Variants in PLA2R1 observed in about 807,000 individuals in gnomAD.
The protein encoded by PLA2R1 is secretory phospholipase A2 receptor.
Under a neutral mutation model 195.9 loss-of-function variants are expected in PLA2R1, and 158 were observed. The observed-to-expected ratio is 0.81, with a 90% CI of 0.71 to 0.92. The LOEUF is 0.92. Ranked by LOEUF, PLA2R1 falls within the 40% of genes least tolerant of loss-of-function variation. The pLI is 0.00. For synonymous variants in PLA2R1, 586 were observed against 598.2 expected (o/e 0.98, Z 0.30); for missense variants, 1,626 against 1,764.6 (o/e 0.92, Z 1.41).
Position 159,949,649 on chromosome 2 carries a change from C to T in PLA2R1, c.3668G>A (p.Cys1223Tyr), listed in dbSNP as rs1469409961. The part of the protein sequence containing the change: ...DSNGRWHSTA[C>Y]ESFLQGAICH... Reference sequence around the variant, plus strand: ...AATGGCACCTTGCAGAAATGACTCGCAGGCTGTGCTATGCCAGCGTCCGTT... The same window carrying T: ...AATGGCACCTTGCAGAAATGACTCGTAGGCTGTGCTATGCCAGCGTCCGTT... The change falls in exon 25 of 30, where the codon TGC (cysteine) becomes TAC (tyrosine). Residue 1223 changes from cysteine (C) to tyrosine (Y), a missense_variant. Physicochemically the swap from Cys to Tyr is radical, Grantham distance 194. Transcript: ENST00000283243. 6.2e-7 allele frequency: 1 copy of T among 1,614,094 alleles called. No individual in the cohort carries two copies. The highest frequency in any genetic ancestry group is 1.7e-5 in the Admixed American group (1 of 60,006).
intron 11 of PLA2R1, among the ~76,000 whole-genome samples, chr2:159,990,243 C>T (rs959558167): frequency 7.9e-5 from 12 of 152,102 alleles, no homozygotes; most frequent in Admixed American, 7.2e-4. Context: ...AACTCACTTC[C>T]CACTGGAGAA....
chr2:159,984,901 C>T (rs1030405047), intron 12 of PLA2R1, among the ~76,000 whole-genome samples: 3 of 152,162 alleles, frequency 2.0e-5, no homozygotes, highest in Non-Finnish European at 4.4e-5. Context: ...TTGCTGAGAC[C>T]AGAATGAATA....
chr2:160,054,014 T>C (rs950724429), intron 1 of PLA2R1, among the ~76,000 whole-genome samples: 5 of 152,270 alleles, frequency 3.3e-5, no homozygotes, highest in African/African-American at 1.2e-4. Flanking sequence ...TCTCCTTGTT[T>C]GCATTTGAAC....
chr2:159,985,395 A>T (rs1307726470), intron 12 of PLA2R1, among the ~76,000 whole-genome samples: 1 of 152,228 alleles, frequency 6.6e-6, no homozygotes, highest in Non-Finnish European at 1.5e-5. Context: ...CTTTTCCCCA[A>T]GATTTAGTGA....
At chr2:159,991,125 AAATG>A (rs1326104718) in intron 11 of PLA2R1, among the ~76,000 whole-genome samples, 1 of 152,202 alleles carries the variant, frequency 6.6e-6, no homozygotes, top group Non-Finnish European at 1.5e-5. Context: ...GCAGTTGAAT[AAATG>A]AATGAATGAG....
intron 20 of PLA2R1, among the ~76,000 whole-genome samples, chr2:159,961,723 C>T (rs980734417): frequency 6.6e-6 from 1 of 152,130 alleles, no homozygotes; most frequent in Non-Finnish European, 1.5e-5. Context: ...ACCATCACTG[C>T]CACCATTCCC....
At chr2:160,029,518 G>A (rs1693729426) in intron 4 of PLA2R1, among the ~76,000 whole-genome samples, 2 of 152,178 alleles carry the variant, frequency 1.3e-5, no homozygotes, top group African/African-American at 4.8e-5. Flanking sequence ...ACAGCTTGAG[G>A]TGGGAGAAGT....
chr2:160,022,490 T>C (rs1210157983), intron 7 of PLA2R1, among the ~76,000 whole-genome samples, 175 bp downstream of exon 7: 2 of 152,226 alleles, frequency 1.3e-5, no homozygotes, highest in Non-Finnish European at 2.9e-5. Flanking sequence ...TTTCTGAACA[T>C]GTATTTTGTA....
At chr2:159,971,708 T>C (rs893133767) in intron 17 of PLA2R1, among the ~76,000 whole-genome samples, 1 of 152,144 alleles carries the variant, frequency 6.6e-6, no homozygotes, top group African/African-American at 2.4e-5. Context: ...ATATTTAAAT[T>C]TGTACTCTCG....
chr2:159,936,277 T>G lies in PLA2R1; in HGVS notation c.*5501A>C, dbSNP rs945487992. On this transcript the variant is annotated 3_prime_UTR_variant, in exon 30 of 30. Coordinates refer to ENST00000283243, the MANE Select transcript of PLA2R1 (RefSeq NM_007366.5). ...CTAAAATTATTTTTTAAGAAGTCCC[T>G]GTGAACATAGGCTCTAAGTATTACA... 6.6e-6 allele frequency: 1 copy of G among 152,216 alleles called. No individual in the cohort carries two copies. The highest frequency in any genetic ancestry group is 2.4e-5 in the African/African-American group (1 of 41,462). The allele number at this position is 152,216 out of a possible 1,614,324, so 9.4% of individuals were successfully genotyped here.
chr2:159,980,761 C>G (rs1004818306), intron 13 of PLA2R1, among the ~76,000 whole-genome samples: 2 of 152,116 alleles, frequency 1.3e-5, no homozygotes, highest in African/African-American at 4.8e-5. Context: ...AGATAATTTT[C>G]TGAGAATAAT....
At chr2:159,976,971 G>A (rs1689605170) in intron 15 of PLA2R1, among the ~76,000 whole-genome samples, 1 of 152,198 alleles carries the variant, frequency 6.6e-6, no homozygotes, top group Non-Finnish European at 1.5e-5. Flanking sequence ...ACTGTCCCAG[G>A]TGTTTCCACT....
chr2:159,955,265 T>G lies in PLA2R1; in HGVS notation c.3235A>C (p.Thr1079Pro), dbSNP rs1688011361. Residue 1079 changes from threonine (T) to proline (P), a missense_variant, in exon 23 of 30, where the codon ACT becomes CCT. Thr to Pro is a conservative substitution (Grantham distance 38). Transcript: ENST00000283243. The part of the protein sequence containing the change: ...LLSSNPNFHF[T>P]GKWYFEDCGK... ...CAGTCTTCAAAATACCATTTTCCAG[T>G]GAAATGAAAATTAGGATTACTTGAG... 1.2e-6 allele frequency: 2 copies of G among 1,610,288 alleles called. No individual in the cohort carries two copies. The highest frequency in any genetic ancestry group is 1.7e-6 in the Non-Finnish European group (2 of 1,176,976).
rs559007587 is a variant in PLA2R1, at chr2:160,048,039, C to T, written c.110-2882G>A. Among the ~76,000 whole-genome samples, 353 of 152,198 alleles carry T rather than the reference C, an allele frequency of 2.3e-3. 5 individuals carry two copies. Among genetic ancestry groups the T allele is most frequent in the East Asian group, 3.9e-4 (2 of 5,182 alleles). On this transcript the variant is annotated intron_variant, in intron 1 of 29. Transcript: ENST00000283243. Reference sequence around the variant, plus strand: ...GTAGAGACAGGATCTCAATATATTGCCCAGGATGGTCTCAAACTCCTGGGC... The same window carrying T: ...GTAGAGACAGGATCTCAATATATTGTCCAGGATGGTCTCAAACTCCTGGGC...
rs1345013587 is a variant in PLA2R1 at position 159,940,008 on chromosome 2, A to C, written c.*1770T>G. ...GTGTGTAAATTATTATAACAGTAGCAAAGAGCTGCTTTTGGAAGCTGGATT... is the reference window on the plus strand; with the variant it reads ...GTGTGTAAATTATTATAACAGTAGCCAAGAGCTGCTTTTGGAAGCTGGATT... On this transcript the variant is annotated 3_prime_UTR_variant, in exon 30 of 30. Transcript: ENST00000283243. The C allele has an allele frequency of 6.6e-6, 1 of 152,252 alleles. No homozygotes were observed. Among genetic ancestry groups the C allele is most frequent in the East Asian group, 1.9e-4 (1 of 5,200 alleles). The allele number at this position is 152,252 out of a possible 1,614,324, so 9.4% of individuals were successfully genotyped here.
Position 159,955,201 on chromosome 2 carries a change from T to C in PLA2R1, c.3299A>G (p.Gln1100Arg). ...ATAAAAACCCAAATATTTCTTACCT[T>C]GCATTTTTTCACAAACAAACCCATA... ...EGYGFVCEKM[Q>R]DTSGHGVNTS... The change falls in exon 23 of 30, where the codon CAA (glutamine) becomes CGA (arginine). Residue 1100 changes from glutamine (Q) to arginine (R), a missense_variant and splice_region_variant. Transcript: ENST00000283243. 1.2e-6 allele frequency: 2 copies of C among 1,600,270 alleles called. No individual in the cohort carries two copies. Among genetic ancestry groups the C allele is most frequent in the Non-Finnish European group, 1.7e-6 (2 of 1,173,908 alleles).
intron 10 of PLA2R1, among the ~76,000 whole-genome samples, chr2:160,011,468 A>T (rs1030467888): frequency 7.9e-5 from 12 of 152,146 alleles, no homozygotes; most frequent in South Asian, 4.1e-4. Context: ...TTCAAAAAAA[A>T]TTTTCTAATA....
At chr2:160,010,254 C>T (rs1692274494) in intron 10 of PLA2R1, among the ~76,000 whole-genome samples, 1 of 152,184 alleles carries the variant, frequency 6.6e-6, no homozygotes, top group South Asian at 2.1e-4. Context: ...TTTAGACATA[C>T]ATGGATTTAG....
chr2:159,942,310 G>A lies in PLA2R1; in HGVS notation c.4145-151C>T. 6.3e-6 allele frequency: 4 copies of A among 632,992 alleles called. No homozygotes were observed. The East Asian group carries it at 1.1e-4, about 17-fold the overall frequency. 39.2% of individuals were successfully genotyped at this position (632,992 alleles called of 1,614,324 possible). On this transcript the variant is annotated intron_variant, in intron 28 of 29. Coordinates refer to ENST00000283243, the MANE Select transcript of PLA2R1 (RefSeq NM_007366.5). ...AACTTAGCCACACTCATTCATTGATGTATTGTTACAGCTGCTTTCCTGCTA... is the reference window on the plus strand; with the variant it reads ...AACTTAGCCACACTCATTCATTGATATATTGTTACAGCTGCTTTCCTGCTA...
Sources: allele counts gnomAD v4.1 joint callset (sites outside exome capture counted in the v4.1 genomes callset), GRCh38; gene constraint gnomAD v4.1.1; transcripts MANE v1.5; gene names NCBI Gene and HGNC (gene_info 2026-07-23, HGNC 2026-07-21).